The following NME9 variants were observed in gnomAD, a reference collection of about 807,000 sequenced individuals.
NME9 encodes the protein thioredoxin domain-containing protein 6.
A neutral mutation model predicts 44.4 loss-of-function variants in NME9; 48 were observed. The ratio of observed to expected loss-of-function variants is 1.08; its 90% confidence interval spans 0.86 to 1.37. The LOEUF (loss-of-function observed/expected upper bound fraction) is 1.37. Ranked by LOEUF, NME9 falls within the 40% of genes most tolerant of loss-of-function variation. The probability of loss-of-function intolerance (pLI) is 0.00; values close to 1 mark genes in which losing one functional copy is unlikely to be tolerated. For synonymous variants in NME9, 139 were observed against 147.1 expected (o/e 0.94, Z 0.40); for missense variants, 325 against 405.2 (o/e 0.80, Z 1.70).
chr3:138,291,668 T>C (rs1307048657), intron 8 of NME9, among the ~76,000 whole-genome samples: 4 of 152,182 alleles, frequency 2.6e-5, no homozygotes, highest in African/African-American at 9.7e-5. Context: ...AAATTTATTT[T>C]AGGTTAGCTA....
intron 8 of NME9, among the ~76,000 whole-genome samples, chr3:138,276,131 G>A (rs1466323659): frequency 6.6e-6 from 1 of 152,184 alleles, no homozygotes; most frequent in Admixed American, 6.5e-5. Flanking sequence ...TATTGTTTTT[G>A]CAGGACACAA....
At chr3:138,315,718 AG>A in intron 4 of NME9, 75 bp from the exon 5 acceptor site, 5 of 1,207,536 alleles carry the variant, frequency 4.1e-6, no homozygotes, top group Non-Finnish European at 5.9e-6. Context: ...AAGAGTGTCT[AG>A]GAGTGTCCCC....
intron 6 of NME9, 57 bp downstream of exon 6, chr3:138,314,275 T>C (rs1467987163): frequency 5.0e-6 from 5 of 993,354 alleles, no homozygotes; most frequent in Admixed American, 2.2e-5. Flanking sequence ...ATTTTAAACA[T>C]ATATAAAATC....
At chr3:138,303,299 A>C in intron 10 of NME9, 2 of 418,186 alleles carry the variant, frequency 4.8e-6, no homozygotes, top group Non-Finnish European at 8.5e-6. Context: ...ATGAGGTATT[A>C]AAAAGCAACA....
chr3:138,286,184 C>T (rs1308030406), intron 8 of NME9, among the ~76,000 whole-genome samples: 1 of 152,176 alleles, frequency 6.6e-6, no homozygotes, highest in Non-Finnish European at 1.5e-5. Context: ...CTCAAATGAT[C>T]CACCTGTCTC....
chr3:138,285,574 T>C (rs765330737), intron 8 of NME9, among the ~76,000 whole-genome samples: 5 of 152,216 alleles, frequency 3.3e-5, no homozygotes, highest in Admixed American at 2.6e-4. Flanking sequence ...GCTGAACTTA[T>C]ACTTTCTTAC....
At chr3:138,292,549 C>A (rs1437282980) in intron 8 of NME9, among the ~76,000 whole-genome samples, 1 of 152,128 alleles carries the variant, frequency 6.6e-6, no homozygotes, top group African/African-American at 2.4e-5. Context: ...AGATTCAGTA[C>A]AGGATGTTAA....
chr3:138,317,432 A>G (rs988291954), intron 4 of NME9, among the ~76,000 whole-genome samples: 3 of 152,120 alleles, frequency 2.0e-5, no homozygotes, highest in African/African-American at 7.2e-5. Flanking sequence ...ATATCGATCC[A>G]TTGCCATCCG....
In NME9 at chr3:138,315,660, AC is replaced by A; in HGVS notation, c.268-18del. 1 of 1,495,610 alleles carries A rather than the reference AC, an allele frequency of 6.7e-7. No homozygotes were observed. Among genetic ancestry groups the A allele is most frequent in the Non-Finnish European group, 9.0e-7 (1 of 1,109,702 alleles). 92.6% of individuals were successfully genotyped at this position (1,495,610 alleles called of 1,614,324 possible). ...TTCTCCTCCCTAGAATACGTTACAAACAGCATGAAATACTCTTGGCAAATAT... is the reference window on the plus strand; with the variant it reads ...TTCTCCTCCCTAGAATACGTTACAAAAGCATGAAATACTCTTGGCAAATAT... On this transcript the variant is annotated intron_variant, in intron 4 of 10. Transcript: ENST00000333911.
At chr3:138,285,577 T>A (rs1232045103) in intron 8 of NME9, among the ~76,000 whole-genome samples, 1 of 152,204 alleles carries the variant, frequency 6.6e-6, no homozygotes, top group Non-Finnish European at 1.5e-5. Context: ...GAACTTATAC[T>A]TTCTTACTGG....
chr3:138,274,977 T>C (rs963851804), intron 8 of NME9, among the ~76,000 whole-genome samples: 1 of 152,220 alleles, frequency 6.6e-6, no homozygotes, highest in Non-Finnish European at 1.5e-5. Flanking sequence ...ATTTCTTTTC[T>C]CTTAGGCATC....
At chr3:138,325,940 TTAGA>T (rs1462756695) in intron 1 of NME9, among the ~76,000 whole-genome samples, 1 of 152,156 alleles carries the variant, frequency 6.6e-6, no homozygotes. Context: ...CATTTAATCC[TTAGA>T]TAGAGTGCAA....
chr3:138,295,749 T>C, intron 8 of NME9: 1 of 1,271,394 alleles, frequency 7.9e-7, no homozygotes, highest in Non-Finnish European at 1.1e-6. Context: ...CCCAATTCCC[T>C]CTGGAGATTT....
At chr3:138,326,512 CA>C (rs945275519) in intron 1 of NME9, among the ~76,000 whole-genome samples, 1 of 152,118 alleles carries the variant, frequency 6.6e-6, no homozygotes, top group African/African-American at 2.4e-5. Flanking sequence ...TGGCTCACTG[CA>C]ACCTCTGCCT....
chr3:138,313,453 T>A (rs2052844614), intron 6 of NME9, among the ~76,000 whole-genome samples: 1 of 152,064 alleles, frequency 6.6e-6, no homozygotes, highest in Non-Finnish European at 1.5e-5. Context: ...GAAAGGGGAA[T>A]GTTCATATAC....
chr3:138,300,893 G>C (rs1423374589), downstream of NME9: 1 of 185,908 alleles, frequency 5.4e-6, no homozygotes, highest in Non-Finnish European at 1.0e-5. Context: ...GGAAGCATTT[G>C]GAGCCTATTT....
chr3:138,307,466 A>G (rs1185431952), intron 6 of NME9, among the ~76,000 whole-genome samples: 1 of 152,248 alleles, frequency 6.6e-6, no homozygotes, highest in Non-Finnish European at 1.5e-5. Flanking sequence ...TTGTGTTGAA[A>G]TGAAACAAGA....
At chr3:138,280,475 G>A (rs568831999) in intron 8 of NME9, among the ~76,000 whole-genome samples, 1 of 148,676 alleles carries the variant, frequency 6.7e-6, no homozygotes, top group African/African-American at 2.5e-5. Context: ...CCACCACCAT[G>A]CCTGGTTACT....
rs2053014006 is a variant in NME9, at chr3:138,315,556, C to G, written c.355G>C (p.Val119Leu). ...TTCCGTTCTCTGCCTTCAGCCAGCA[C>G]TTTCTTTTCGGCCTCCAGCTGGTCT... is the stretch of plus-strand genomic sequence containing the variant. The part of the protein sequence containing the change: ...ILDQLEAEKK[V>L]LAEGRERKVI... Residue 119 changes from valine to leucine, a missense_variant, in exon 5 of 11, where the codon GTG becomes CTG. Physicochemically the swap from Val to Leu is conservative, Grantham distance 32 (BLOSUM62 1). Transcript: ENST00000333911. 6.5e-7 allele frequency: 1 copy of G among 1,536,442 alleles called. No individual in the cohort carries two copies. The highest frequency in any genetic ancestry group is 8.7e-7 in the Non-Finnish European group (1 of 1,147,002).
Sources: gnomAD v4.1 joint callset for allele counts (sites outside exome capture counted in the v4.1 genomes callset) on GRCh38, gnomAD v4.1.1 for gene constraint, MANE v1.5 for transcripts, NCBI Gene and HGNC (gene_info 2026-07-23, HGNC 2026-07-21) for gene names.